RPS29: variants seen among roughly 807,000 people sequenced by gnomAD.
RPS29 encodes the protein ribosomal protein S29, also known as small ribosomal subunit protein uS14.
For missense variants in RPS29, 60 were observed against 75.7 expected, an observed-to-expected ratio of 0.79 and a Z score of 0.77; for synonymous variants, 37 against 26.9, an observed-to-expected ratio of 1.37 and a Z score of -1.16.
At chr14:49,584,921 C>CA (rs1216638131) in intron 2 of RPS29, among the ~76,000 whole-genome samples, 1 of 68,136 alleles carries the variant, frequency 1.5e-5, no homozygotes, top group Non-Finnish European at 4.1e-5. Flanking sequence ...TTTCAGAAGC[C>CA]AAAAGTTTCA....
At chr14:49,575,032 G>A (rs1438227791) in exon 3 of RPS29, 1 of 152,468 alleles carries the variant, frequency 6.6e-6, no homozygotes, top group African/African-American at 2.4e-5. Context: ...CAGGCAGTCA[G>A]GGATCTCTTT....
At chr14:49,571,671 A>T (rs1881059169) in exon 3 of RPS29, 1 of 152,132 alleles carries the variant, frequency 6.6e-6, no homozygotes, top group Non-Finnish European at 1.5e-5. Context: ...CCCAATAAAA[A>T]CTTTAGATAC....
chr14:49,579,441 C>G (rs1313975685), downstream of RPS29, among the ~76,000 whole-genome samples: 1 of 152,216 alleles, frequency 6.6e-6, no homozygotes, highest in Non-Finnish European at 1.5e-5. Flanking sequence ...GTGGCTCACA[C>G]ATGTAGTCCT....
rs1280077742 is a variant in RPS29 at position 49,586,332 on chromosome 14, C to T, written c.15G>A (p.Gln5=). ...ATTTTCGCGGGTGGCTCCAGTACAG[C>T]TGCTGGTGACCCATCTTGCTCTCAG... MGHQ[Q]LYWSHPRKFG... is the part of the protein sequence containing the mutation. The change falls in exon 1 of 3, where the codon CAG becomes CAA. Residue 5 remains glutamine (Q), a synonymous_variant. Transcript: ENST00000245458. The T allele has an allele frequency of 1.2e-6, 2 of 1,613,876 alleles. No homozygotes were observed.
At chr14:49,593,180 G>A (rs1394643857) in intron 1 of RPS29, among the ~76,000 whole-genome samples, 2 of 152,100 alleles carry the variant, frequency 1.3e-5, no homozygotes, top group Admixed American at 1.3e-4. Context: ...AGAAATATTT[G>A]CTAAATGAAT....
intron 1 of RPS29, chr14:49,598,041 G>C: frequency 4.5e-6 from 1 of 220,332 alleles, no homozygotes; most frequent in Non-Finnish European, 8.9e-6. Context: ...CATGTAAATA[G>C]GGACGCTCAT....
intron 2 of RPS29, 109 bp downstream of exon 2, chr14:49,585,841 C>T (rs1276618918): frequency 3.4e-5 from 28 of 813,014 alleles, no homozygotes; most frequent in Non-Finnish European, 5.7e-5. Flanking sequence ...TGGTCGAATG[C>T]TCAGAATTAC....
Position 49,598,593 on chromosome 14 carries a change from C to G in RPS29, c.-326G>C, listed in dbSNP as rs967432238. 5 of 701,792 alleles carry G rather than the reference C, an allele frequency of 7.1e-6. No individual in the cohort carries two copies. In the African/African-American group the frequency reaches 8.7e-5, roughly 12 times the overall value. The allele number at this position is 701,792 out of a possible 1,614,324, so 43.5% of individuals were successfully genotyped here. A position where few individuals can be genotyped will look rare whatever the true frequency, so the allele number is the denominator to read the frequency against. On this transcript the variant is annotated 5_prime_UTR_variant, in exon 1 of 4. Transcript: ENST00000556230. ...GTTCTAAGTGCCTTTCCCTGTAACGCAGAGGCACACCTGCCTTCCCTCGGG... is the reference window on the plus strand; with the variant it reads ...GTTCTAAGTGCCTTTCCCTGTAACGGAGAGGCACACCTGCCTTCCCTCGGG...
chr14:49,585,801 G>C (rs1478189849), intron 2 of RPS29, 149 bp downstream of exon 2: 1 of 625,794 alleles, frequency 1.6e-6, no homozygotes, highest in Non-Finnish European at 2.9e-6. Flanking sequence ...ACTGTCACCA[G>C]CTACCAACTA....
chr14:49,597,659 C>CTTTTTT (rs34224175), intron 1 of RPS29: 2 of 147,542 alleles, frequency 1.4e-5, no homozygotes, highest in Non-Finnish European at 3.0e-5. Flanking sequence ...AAAGTAATTT[C>CTTTTTT]TTTTTTTTTT....
intron 1 of RPS29, among the ~76,000 whole-genome samples, chr14:49,596,901 A>G (rs28564165): frequency 0.031 from 4,568 of 145,734 alleles, 236 homozygotes; most frequent in African/African-American, 0.11. Flanking sequence ...GCCCCGCCCA[A>G]CTAATTTTTT....
chr14:49,598,277 C>A, intron 1 of RPS29: 1 of 597,192 alleles, frequency 1.7e-6, no homozygotes, highest in Non-Finnish European at 3.0e-6. Context: ...CTTCCCACTC[C>A]CCAGCCGGGC....
chr14:49,583,223 A>G (rs1425855418), downstream of RPS29, among the ~76,000 whole-genome samples: 3 of 152,168 alleles, frequency 2.0e-5, no homozygotes, highest in Non-Finnish European at 2.9e-5. Flanking sequence ...CCATTGATAC[A>G]AGTTTATTGA....
downstream of RPS29, among the ~76,000 whole-genome samples, chr14:49,583,366 T>C (rs916905651): frequency 1.3e-5 from 2 of 152,108 alleles, no homozygotes; most frequent in African/African-American, 2.4e-5. Context: ...CTGGTCAACA[T>C]GGTGAAACCC....
At chr14:49,596,482 C>G (rs867753840) in intron 1 of RPS29, among the ~76,000 whole-genome samples, 10 of 152,076 alleles carry the variant, frequency 6.6e-5, no homozygotes, top group African/African-American at 2.4e-4. Flanking sequence ...TTTAGGTGTA[C>G]TCTAGAGTGT....
At chr14:49,579,689 T>C (rs1193451999), downstream of RPS29, among the ~76,000 whole-genome samples, 1 of 152,232 alleles carries the variant, frequency 6.6e-6, no homozygotes, top group Non-Finnish European at 1.5e-5. Context: ...GACCTATTAA[T>C]CTACAAGGCA....
At chr14:49,578,559 C>CTTTT (rs60555753) in intron 2 of RPS29, among the ~76,000 whole-genome samples, 15,691 of 101,976 alleles carry the variant, frequency 0.15, 2,248 homozygotes, top group Admixed American at 0.25. Context: ...AAAGCTTTCA[C>CTTTT]TTTTTTTTTT....
At chr14:49,584,693 G>A (rs541205367) in intron 2 of RPS29, among the ~76,000 whole-genome samples, 3 of 77,170 alleles carry the variant, frequency 3.9e-5, no homozygotes, top group African/African-American at 1.3e-4. Flanking sequence ...GAATCCGGGA[G>A]GGGGAGGCTA....
upstream of RPS29, among the ~76,000 whole-genome samples, chr14:49,587,860 G>A (rs1881623800): frequency 6.6e-6 from 1 of 152,210 alleles, no homozygotes; most frequent in South Asian, 2.1e-4. Context: ...TCTACAGGCA[G>A]CACTTGACAG....
Sources: gnomAD v4.1 joint callset for allele counts (sites outside exome capture counted in the v4.1 genomes callset) on GRCh38, gnomAD v4.1.1 for gene constraint, MANE v1.5 for transcripts, NCBI Gene and HGNC (gene_info 2026-07-23, HGNC 2026-07-21) for gene names.